The following HIP1 variants were observed in gnomAD, a reference collection of about 807,000 sequenced individuals.
The protein encoded by HIP1 is huntingtin interacting protein 1, also known as huntingtin-interacting protein 1.
HIP1 carries 65 observed loss-of-function variants against 147.6 expected under a neutral mutation model. That is an observed-to-expected ratio of 0.44 (90% confidence interval 0.36 to 0.54). The LOEUF (loss-of-function observed/expected upper bound fraction) is 0.54, where lower values mean the gene tolerates loss of function less well. HIP1 is among the 20% of genes least tolerant of loss of function. The pLI, the probability that HIP1 is intolerant of heterozygous loss-of-function variation, is 0.00. For missense variants in HIP1, 1,061 were observed against 1,299.6 expected (o/e 0.82, Z 2.82); for synonymous variants, 479 against 504.0 (o/e 0.95, Z 0.67).
At chr7:75,690,895 C>T (rs925317612) in intron 1 of HIP1, among the ~76,000 whole-genome samples, 8 of 152,104 alleles carry the variant, frequency 5.3e-5, no homozygotes, top group East Asian at 1.9e-4. Flanking sequence ...AATTGCTATA[C>T]GACCCAGCAA....
chr7:75,684,738 T>TAC (rs1440791569), intron 1 of HIP1, among the ~76,000 whole-genome samples: 2 of 152,282 alleles, frequency 1.3e-5, no homozygotes, highest in East Asian at 3.9e-4. Flanking sequence ...ATCCTGATCA[T>TAC]ACATCCTTGT....
At chr7:75,539,467 ATC>A in intron 29 of HIP1, 36 bp from the exon 30 acceptor site, 1 of 1,495,764 alleles carries the variant, frequency 6.7e-7, no homozygotes, top group Non-Finnish European at 9.3e-7. Context: ...TCTCTTAATC[ATC>A]TCTCAGAGAT....
intron 1 of HIP1, among the ~76,000 whole-genome samples, chr7:75,615,566 A>C (rs1395334451): frequency 6.6e-6 from 1 of 152,078 alleles, no homozygotes; most frequent in African/African-American, 2.4e-5. Flanking sequence ...CCCTTAAAAA[A>C]GGTGGATCTT....
chr7:75,574,826 A>T (rs587642207), intron 7 of HIP1, among the ~76,000 whole-genome samples: 3 of 152,220 alleles, frequency 2.0e-5, no homozygotes, highest in African/African-American at 7.2e-5. Context: ...CATGGCGGAC[A>T]TGGAGGAGGA....
At position 75,542,906 on chromosome 7, in the gene HIP1, G is replaced by T. The variant is rs587758685; in HGVS notation, c.2835C>A (p.Ala945=). The T allele has an allele frequency of 1.3e-5, 21 of 1,614,058 alleles. No individual in the cohort carries two copies. The South Asian group carries it at 2.2e-4, about 17-fold the overall frequency. ...LQQASRGVNQ[A]TAGVVASTIS... ...TGGTTGAGGCCACAACGCCGGCAGT[G>T]GCCTGGTTCACTCCCCGAGAGGCCT... is the stretch of plus-strand genomic sequence containing the variant. The change falls in exon 28 of 31, where the codon GCC becomes GCA. Residue 945 remains alanine, a synonymous_variant. Coordinates refer to ENST00000336926, the MANE Select transcript of HIP1 (RefSeq NM_005338.7).
intron 7 of HIP1, among the ~76,000 whole-genome samples, chr7:75,577,713 G>A (rs1367155850): frequency 6.6e-6 from 1 of 152,104 alleles, no homozygotes; most frequent in Non-Finnish European, 1.5e-5. Flanking sequence ...TATAAAACCA[G>A]AGCAGGCTGG....
chr7:75,592,374 T>G lies in HIP1; in HGVS notation c.325A>C (p.Asn109His). The G allele has an allele frequency of 6.2e-7, 1 of 1,604,708 alleles. No individual in the cohort carries two copies. Among genetic ancestry groups the G allele is most frequent in the Non-Finnish European group, 8.5e-7 (1 of 1,176,716 alleles). The change falls in exon 3 of 31, where the codon AAC becomes CAC. Residue 109 changes from asparagine (N) to histidine (H), a missense_variant and splice_region_variant. Asn to His is a moderately conservative substitution (Grantham distance 68). Coordinates refer to ENST00000336926, the MANE Select transcript of HIP1 (RefSeq NM_005338.7). Reference sequence around the variant, plus strand: ...ACCCCATAGCCCCAGGAACTCACGTTCGGGTGTCCATCTCGGAGGAGTTTG... The same window carrying G: ...ACCCCATAGCCCCAGGAACTCACGTGCGGGTGTCCATCTCGGAGGAGTTTG... ...FHKLLRDGHP[N>H]VLKDSLRYRN...
chr7:75,689,016 G>A (rs1165945328), intron 1 of HIP1, among the ~76,000 whole-genome samples: 2 of 152,110 alleles, frequency 1.3e-5, no homozygotes, highest in African/African-American at 2.4e-5. Flanking sequence ...AACAAACAGA[G>A]TGTACGCCCA....
chr7:75,543,234 T>G (rs1384950380), intron 27 of HIP1, among the ~76,000 whole-genome samples: 1 of 152,130 alleles, frequency 6.6e-6, no homozygotes. Context: ...GGAAACCAAT[T>G]TGGGATGACA....
chr7:75,674,713 G>A (rs1197515567), intron 1 of HIP1, among the ~76,000 whole-genome samples: 2 of 151,582 alleles, frequency 1.3e-5, no homozygotes, highest in South Asian at 2.1e-4. Context: ...GGATGGTCTC[G>A]ATCTCCTGAC....
rs148641780 is a variant in HIP1 at position 75,657,165 on chromosome 7, G to A, written c.121-57918C>T. 2.4e-4 allele frequency among the ~76,000 whole-genome samples: 36 copies of A among 152,264 alleles called. 1 individual carries two copies. Among genetic ancestry groups the A allele is most frequent in the African/African-American group, 8.4e-4 (35 of 41,550 alleles). On this transcript the variant is annotated intron_variant, in intron 1 of 30. Coordinates refer to ENST00000336926, the MANE Select transcript of HIP1 (RefSeq NM_005338.7). ...TGGCAAAGACATGGAATTAACCCAG[G>A]TGCCCATCCATGGTAGACTGGAGAA...
chr7:75,566,348 C>T (rs1434920629), intron 9 of HIP1, among the ~76,000 whole-genome samples: 1 of 151,500 alleles, frequency 6.6e-6, no homozygotes. Context: ...ATTGAGGCGG[C>T]AGTGCACAGC....
chr7:75,692,267 A>ATT (rs797039250), intron 1 of HIP1, among the ~76,000 whole-genome samples: 1 of 150,362 alleles, frequency 6.7e-6, no homozygotes, highest in African/African-American at 2.4e-5. Context: ...TTATTTATTG[A>ATT]TTTTTTTTTA....
intron 4 of HIP1, among the ~76,000 whole-genome samples, chr7:75,588,724 T>C (rs1796370554): frequency 6.6e-6 from 1 of 151,986 alleles, no homozygotes; most frequent in African/African-American, 2.4e-5. Context: ...CAATAAGCCA[T>C]GATCGCGCCA....
chr7:75,542,987 A>G lies in HIP1; in HGVS notation c.2767-13T>C. The G allele has an allele frequency of 6.2e-7, 1 of 1,609,986 alleles. No homozygotes were observed. Among genetic ancestry groups the G allele is most frequent in the South Asian group, 1.1e-5 (1 of 90,304 alleles). ...TATCAGCTTTCACCTACCAGGACAA[A>G]GCAGATTTAGGTTCATACAACACCT... On this transcript the variant is annotated splice_polypyrimidine_tract_variant and intron_variant, in intron 27 of 30. Transcript: ENST00000336926.
chr7:75,701,745 C>T (rs1481796955), intron 1 of HIP1, among the ~76,000 whole-genome samples: 2 of 151,772 alleles, frequency 1.3e-5, no homozygotes. Context: ...CCTAGCTAAT[C>T]AGGAGGTTGA....
At chr7:75,726,520 C>T (rs1327338440) in intron 1 of HIP1, among the ~76,000 whole-genome samples, 4 of 151,668 alleles carry the variant, frequency 2.6e-5, no homozygotes, top group Admixed American at 6.6e-5. Context: ...CTTGACCTCG[C>T]GATCCGCTCA....
At chr7:75,667,432 A>C (rs2117235384) in intron 1 of HIP1, among the ~76,000 whole-genome samples, 1 of 152,328 alleles carries the variant, frequency 6.6e-6, no homozygotes, top group South Asian at 2.1e-4. Flanking sequence ...ACCAAGACAG[A>C]TATTTCAAAT....
chr7:75,613,743 A>G (rs1797528622), intron 1 of HIP1, among the ~76,000 whole-genome samples: 1 of 152,156 alleles, frequency 6.6e-6, no homozygotes, highest in Non-Finnish European at 1.5e-5. Flanking sequence ...CCTCCACCCT[A>G]CTGTCTGCCT....
Sources: allele counts gnomAD v4.1 joint callset (sites outside exome capture counted in the v4.1 genomes callset), GRCh38; gene constraint gnomAD v4.1.1; transcripts MANE v1.5; gene names NCBI Gene and HGNC (gene_info 2026-07-23, HGNC 2026-07-21).